Variants in BCAP29 observed in about 807,000 individuals in gnomAD.
BCAP29 encodes B-cell receptor-associated protein 29.
BCAP29 carries 34 observed loss-of-function variants against 31.8 expected under a neutral mutation model. The observed-to-expected ratio is 1.07, with a 90% confidence interval of 0.81 to 1.42. The LOEUF is 1.42. Among genes scored for constraint, BCAP29 ranks in the 40% most tolerant of loss-of-function variants. BCAP29 has a pLI of 0.00. For missense variants in BCAP29, 314 were observed against 269.2 expected (o/e 1.17, Z -1.16); for synonymous variants, 104 against 91.3 (o/e 1.14, Z -0.79).
At chr7:107,596,311 C>T (rs1168388838) in intron 5 of BCAP29, among the ~76,000 whole-genome samples, 2 of 151,984 alleles carry the variant, frequency 1.3e-5, no homozygotes, top group South Asian at 2.1e-4. Context: ...CCTTCATTAC[C>T]GTTAAGTTTA....
downstream of BCAP29, chr7:107,621,400 T>C: frequency 5.7e-6 from 1 of 174,374 alleles, no homozygotes; most frequent in Non-Finnish European, 1.2e-5. Context: ...CAGTTTGATC[T>C]CTACACAAAC....
chr7:107,604,670 G>T (rs1448690759), intron 6 of BCAP29, among the ~76,000 whole-genome samples: 4 of 144,596 alleles, frequency 2.8e-5, no homozygotes, highest in African/African-American at 1.1e-4. Context: ...TCATTTTGTT[G>T]TTGTTGTTGT....
chr7:107,582,414 T>C (rs559121161), intron 2 of BCAP29, among the ~76,000 whole-genome samples: 1 of 152,370 alleles, frequency 6.6e-6, no homozygotes, highest in South Asian at 2.1e-4. Flanking sequence ...TGTATCCACA[T>C]CTTTTTATCT....
intron 6 of BCAP29, among the ~76,000 whole-genome samples, chr7:107,602,125 G>A (rs1811285186): frequency 6.6e-6 from 1 of 152,172 alleles, no homozygotes; most frequent in Admixed American, 6.5e-5. Flanking sequence ...CAGCTTCTGT[G>A]TTTGAAGTAT....
chr7:107,597,055 T>C (rs1809987715), intron 5 of BCAP29, among the ~76,000 whole-genome samples: 1 of 152,140 alleles, frequency 6.6e-6, no homozygotes, highest in Admixed American at 6.6e-5. Context: ...GGGGAGAAAG[T>C]CTTTGAGCAG....
In BCAP29 at chr7:107,582,490, A is replaced by AG. The variant is rs1806880976; in HGVS notation, c.93-1392_93-1391insG. 2.6e-5 allele frequency among the ~76,000 whole-genome samples: 4 copies of AG among 152,360 alleles called. No homozygotes were observed. In the South Asian group the frequency reaches 8.3e-4, roughly 32 times the overall value. ...ATCATTTAGTCTCTATTATTTTCTT[A>AG]CATAACCCAGTGGTTAAAGGCACAT... On this transcript the variant is annotated intron_variant, in intron 2 of 7. Coordinates refer to ENST00000005259, the MANE Select transcript of BCAP29 (RefSeq NM_018844.4).
chr7:107,595,053 C>T (rs1428056576), intron 4 of BCAP29, among the ~76,000 whole-genome samples: 4 of 152,174 alleles, frequency 2.6e-5, no homozygotes, highest in African/African-American at 9.7e-5. Context: ...GTACCTAACT[C>T]TTTCCCATTT....
In BCAP29 at chr7:107,618,644, G is replaced by A; in HGVS notation, c.*281G>A. 11 of 1,426,060 alleles carry A rather than the reference G, an allele frequency of 7.7e-6. No homozygotes were observed. The highest frequency in any genetic ancestry group is 4.6e-5 in the South Asian group (3 of 64,646). 88.3% of individuals were successfully genotyped at this position (1,426,060 alleles called of 1,614,324 possible). ...ATATGGTGGCTGTTTACCAATAAAA[G>A]GAAAAAATTCATTAACCGGTTGCTT... On this transcript the variant is annotated 3_prime_UTR_variant, in exon 8 of 8. Coordinates refer to ENST00000005259, the MANE Select transcript of BCAP29 (RefSeq NM_018844.4).
chr7:107,593,773 A>G (rs374624517), intron 3 of BCAP29, among the ~76,000 whole-genome samples, 182 bp from the exon 4 acceptor site: 4 of 152,340 alleles, frequency 2.6e-5, no homozygotes, highest in African/African-American at 9.6e-5. Flanking sequence ...GTGTCCATTT[A>G]TAGAGCACCT....
At chr7:107,588,628 T>A (rs1322561203) in intron 3 of BCAP29, among the ~76,000 whole-genome samples, 1 of 152,118 alleles carries the variant, frequency 6.6e-6, no homozygotes. Context: ...CTGGGTGTGA[T>A]CACATTTATA....
At chr7:107,620,528 CTTT>C (rs1326179732), downstream of BCAP29, 1 of 152,116 alleles carries the variant, frequency 6.6e-6, no homozygotes, top group Non-Finnish European at 1.5e-5. Flanking sequence ...ATAATGACTT[CTTT>C]ATGTCTTAGG....
intron 7 of BCAP29, chr7:107,615,195 T>G (rs1265107458): frequency 4.4e-6 from 2 of 456,616 alleles, no homozygotes; most frequent in East Asian, 6.9e-5. Flanking sequence ...CTCTTAATTC[T>G]GAAGAATATA....
At chr7:107,622,149 A>C, downstream of BCAP29, 1 of 337,914 alleles carries the variant, frequency 3.0e-6, no homozygotes, top group Non-Finnish European at 5.9e-6. Flanking sequence ...GACTATGACG[A>C]CCTCCTCATC....
chr7:107,590,241 G>A (rs1808474501), intron 3 of BCAP29, among the ~76,000 whole-genome samples: 1 of 151,878 alleles, frequency 6.6e-6, no homozygotes, highest in Non-Finnish European at 1.5e-5. Context: ...AATATTGACA[G>A]TGAAAAAAAT....
chr7:107,608,778 G>A (rs1812622916), intron 6 of BCAP29, among the ~76,000 whole-genome samples: 1 of 152,130 alleles, frequency 6.6e-6, no homozygotes, highest in Admixed American at 6.5e-5. Context: ...ATTACTATCA[G>A]GTGACTAAAG....
At chr7:107,607,906 G>A (rs1812411603) in intron 6 of BCAP29, among the ~76,000 whole-genome samples, 1 of 152,056 alleles carries the variant, frequency 6.6e-6, no homozygotes, top group Admixed American at 6.6e-5. Flanking sequence ...CCAAAGTGCT[G>A]GAATTGCAGA....
At chr7:107,580,382 C>T (rs1806362347) in intron 1 of BCAP29, 81 bp downstream of exon 1, 1 of 176,780 alleles carries the variant, frequency 5.7e-6, no homozygotes, top group Non-Finnish European at 1.2e-5. Flanking sequence ...GAGAACCCCG[C>T]GGAGCTGGCC....
At chr7:107,601,128 T>A (rs999708973) in intron 6 of BCAP29, among the ~76,000 whole-genome samples, 9 of 152,150 alleles carry the variant, frequency 5.9e-5, no homozygotes, top group Non-Finnish European at 1.2e-4. Context: ...TTTTTCTTAG[T>A]CAAAGAACAA....
chr7:107,593,837 C>G, intron 3 of BCAP29, 118 bp from the exon 4 acceptor site: 1 of 979,036 alleles, frequency 1.0e-6, no homozygotes, highest in Admixed American at 2.8e-5. Flanking sequence ...ATAAAGGTCG[C>G]CTCTGCCTAA....
Sources: gnomAD v4.1 joint callset for allele counts (sites outside exome capture counted in the v4.1 genomes callset) on GRCh38, gnomAD v4.1.1 for gene constraint, MANE v1.5 for transcripts, NCBI Gene and HGNC (gene_info 2026-07-23, HGNC 2026-07-21) for gene names.